The following BBS12 variants were observed in gnomAD, a reference collection of about 807,000 sequenced individuals.
The protein encoded by BBS12 is Bardet-Biedl syndrome 12, also known as chaperonin-containing T-complex member BBS12.
Under a neutral mutation model 5.6 loss-of-function variants are expected in BBS12, and 5 were observed. That is an observed-to-expected ratio of 0.89 (90% CI 0.46 to 1.86). The LOEUF (loss-of-function observed/expected upper bound fraction) is 1.86. Ranked by LOEUF, BBS12 falls within the 40% of genes most tolerant of loss-of-function variation. BBS12 has a pLI of 0.01. For missense variants in BBS12, 748 were observed against 830.4 expected (o/e 0.90, Z 1.22); for synonymous variants, 308 against 306.8 (o/e 1.00, Z -0.04).
Position 122,744,095 on chromosome 4 carries a change from C to T in BBS12, c.*70C>T. On this transcript the variant is annotated 3_prime_UTR_variant, in exon 2 of 2. Coordinates refer to ENST00000314218, the MANE Select transcript of BBS12 (RefSeq NM_152618.3). Reference sequence around the variant, plus strand: ...ATGCTAATAATAAATATATTGATAGCCAAGTCATGGTGCCTAAAATGCCAG... The same window carrying T: ...ATGCTAATAATAAATATATTGATAGTCAAGTCATGGTGCCTAAAATGCCAG... The T allele has an allele frequency of 2.7e-6, 4 of 1,499,002 alleles. No homozygotes were observed. Among genetic ancestry groups the T allele is most frequent in the South Asian group, 1.2e-5 (1 of 86,784 alleles). The allele number at this position is 1,499,002 out of a possible 1,614,324, so 92.9% of individuals were successfully genotyped here. A position where few individuals can be genotyped will look rare whatever the true frequency, so the allele number is the denominator to read the frequency against.
chr4:122,738,312 G>T (rs1158725035), intron 1 of BBS12, among the ~76,000 whole-genome samples: 2 of 152,006 alleles, frequency 1.3e-5, no homozygotes, highest in Admixed American at 6.6e-5. Context: ...CCGGGTTCAC[G>T]CTGTTCTCCT....
chr4:122,705,559 C>T, the BBS12 span, among the ~76,000 whole-genome samples: 20 of 152,198 alleles, frequency 1.3e-4, no homozygotes, highest in Non-Finnish European at 2.9e-4. Flanking sequence ...AAAATAATTT[C>T]CCCTTGGACT....
chr4:122,722,295 A>G, the BBS12 span, among the ~76,000 whole-genome samples: 1 of 152,190 alleles, frequency 6.6e-6, no homozygotes, highest in African/African-American at 2.4e-5. Flanking sequence ...ATCCTAGTCC[A>G]TACCACACTA....
At chr4:122,713,347 G>A in the BBS12 span, among the ~76,000 whole-genome samples, 15 of 151,352 alleles carry the variant, frequency 9.9e-5, no homozygotes, top group East Asian at 2.7e-3. Flanking sequence ...TTTCTACCTG[G>A]GTTTGGTGGC....
the BBS12 span, among the ~76,000 whole-genome samples, chr4:122,715,555 C>T: frequency 6.6e-6 from 1 of 152,122 alleles, no homozygotes; most frequent in Admixed American, 6.5e-5. Flanking sequence ...AAAACATGAA[C>T]GTTTGTGATT....
At chr4:122,711,592 C>G in the BBS12 span, among the ~76,000 whole-genome samples, 1 of 152,176 alleles carries the variant, frequency 6.6e-6, no homozygotes, top group East Asian at 1.9e-4. Flanking sequence ...TTGAAAGATG[C>G]AGTCCCCAAA....
chr4:122,724,163 A>G, the BBS12 span, among the ~76,000 whole-genome samples: 24 of 152,184 alleles, frequency 1.6e-4, no homozygotes, highest in Non-Finnish European at 2.6e-4. Context: ...CACAGTTTCT[A>G]TAAATCAGAA....
intron 1 of BBS12, among the ~76,000 whole-genome samples, chr4:122,739,401 C>T (rs1408671755): frequency 1.3e-5 from 2 of 152,194 alleles, no homozygotes; most frequent in Non-Finnish European, 2.9e-5. Flanking sequence ...ATGCCTGTGG[C>T]TGGATGTCCC....
At chr4:122,734,932 TC>T (rs1800763922) in intron 1 of BBS12, among the ~76,000 whole-genome samples, 1 of 151,608 alleles carries the variant, frequency 6.6e-6, no homozygotes, top group South Asian at 2.1e-4. Flanking sequence ...CACTCTTAAA[TC>T]TCCCAAATGT....
the BBS12 span, among the ~76,000 whole-genome samples, chr4:122,713,704 A>C: frequency 6.6e-6 from 1 of 152,054 alleles, no homozygotes; most frequent in Non-Finnish European, 1.5e-5. Context: ...AGAACAGATC[A>C]CTCCTTGTGG....
upstream of BBS12, chr4:122,730,327 A>G (rs1315307231): frequency 6.6e-6 from 1 of 152,244 alleles, no homozygotes; most frequent in Non-Finnish European, 1.5e-5. Flanking sequence ...CTGTTCTTGG[A>G]TTAATGGCTC....
At chr4:122,709,260 G>C in the BBS12 span, among the ~76,000 whole-genome samples, 1 of 151,990 alleles carries the variant, frequency 6.6e-6, no homozygotes, top group Non-Finnish European at 1.5e-5. Flanking sequence ...TTGTGATTTT[G>C]GTCCATTTAT....
chr4:122,705,827 A>C, the BBS12 span, among the ~76,000 whole-genome samples: 1 of 152,224 alleles, frequency 6.6e-6, no homozygotes, highest in African/African-American at 2.4e-5. Flanking sequence ...TTTATGAGTC[A>C]TTTATTTAGA....
At position 122,742,714 on chromosome 4, in the gene BBS12, C is replaced by G; in HGVS notation, c.822C>G (p.Gly274=). The G allele has an allele frequency of 6.2e-7, 1 of 1,614,168 alleles. No homozygotes were observed. Among genetic ancestry groups the G allele is most frequent in the East Asian group, 2.2e-5 (1 of 44,886 alleles). ...ATGATTTGGTAGAGTTGGCAGTAGG[C>G]TTGAGTCATGGAGATCACAGCAGCA... is the stretch of plus-strand genomic sequence containing the variant. ...RCNDLVELAV[G]LSHGDHSSMK... Residue 274 remains glycine, a synonymous_variant, in exon 2 of 2, where the codon GGC becomes GGG. Coordinates refer to ENST00000314218, the MANE Select transcript of BBS12 (RefSeq NM_152618.3).
the BBS12 span, among the ~76,000 whole-genome samples, chr4:122,703,517 G>A: frequency 3.9e-5 from 6 of 152,236 alleles, no homozygotes; most frequent in Non-Finnish European, 8.8e-5. Context: ...ACTCCAGCCT[G>A]GGCAACAGAG....
At chr4:122,708,432 A>C in the BBS12 span, among the ~76,000 whole-genome samples, 1 of 152,118 alleles carries the variant, frequency 6.6e-6, no homozygotes, top group Non-Finnish European at 1.5e-5. Context: ...GGACACCAGC[A>C]TACACACTTT....
chr4:122,719,912 A>G, the BBS12 span, among the ~76,000 whole-genome samples: 2 of 152,202 alleles, frequency 1.3e-5, no homozygotes, highest in African/African-American at 4.8e-5. Flanking sequence ...CTTAATAATG[A>G]CTAAAACCAT....
At chr4:122,703,596 CT>C in the BBS12 span, among the ~76,000 whole-genome samples, 1 of 152,042 alleles carries the variant, frequency 6.6e-6, no homozygotes, top group Non-Finnish European at 1.5e-5. Context: ...TTTTTCAAAG[CT>C]GGTGAGAAGG....
At chr4:122,734,395 A>C (rs1267262303) in intron 1 of BBS12, among the ~76,000 whole-genome samples, 1 of 151,810 alleles carries the variant, frequency 6.6e-6, no homozygotes, top group Non-Finnish European at 1.5e-5. Context: ...CCTCCCGAAT[A>C]GCTGGGAGTA....
Sources: gnomAD v4.1 joint callset for allele counts (sites outside exome capture counted in the v4.1 genomes callset) on GRCh38, gnomAD v4.1.1 for gene constraint, MANE v1.5 for transcripts, NCBI Gene and HGNC (gene_info 2026-07-23, HGNC 2026-07-21) for gene names.